PLA2G4E: variants seen among roughly 807,000 people sequenced by gnomAD.
The protein encoded by PLA2G4E is phospholipase A2 group IVE, also known as cytosolic phospholipase A2 epsilon.
A neutral mutation model predicts 109.1 loss-of-function variants in PLA2G4E; 84 were observed. The ratio of observed to expected loss-of-function variants is 0.77; its 90% CI spans 0.65 to 0.92. The LOEUF (loss-of-function observed/expected upper bound fraction) is 0.92. Ranked by LOEUF, PLA2G4E falls within the 40% of genes least tolerant of loss-of-function variation. The pLI, the probability that PLA2G4E is intolerant of heterozygous loss-of-function variation, is 0.00. For missense variants in PLA2G4E, 1,057 were observed against 1,076.6 expected (o/e 0.98, Z 0.25); for synonymous variants, 469 against 436.1 (o/e 1.08, Z -0.94).
At chr15:42,003,360 G>C (rs911200083) in intron 5 of PLA2G4E, among the ~76,000 whole-genome samples, 1 of 152,228 alleles carries the variant, frequency 6.6e-6, no homozygotes, top group Non-Finnish European at 1.5e-5. Flanking sequence ...CTGGGTTCAA[G>C]TGATTCTCCT....
intron 5 of PLA2G4E, 31 bp downstream of exon 5, chr15:42,004,907 T>C (rs1228783759): frequency 1.3e-6 from 2 of 1,599,170 alleles, no homozygotes; most frequent in Non-Finnish European, 1.7e-6. Flanking sequence ...GGCCAGGACC[T>C]TGGTGGGCCC....
intron 13 of PLA2G4E, among the ~76,000 whole-genome samples, chr15:41,991,943 C>T (rs1402378525): frequency 6.6e-6 from 1 of 152,158 alleles, no homozygotes; most frequent in Non-Finnish European, 1.5e-5. Flanking sequence ...TCCAGGATCG[C>T]AACACCCCTT....
intron 11 of PLA2G4E, among the ~76,000 whole-genome samples, chr15:41,996,165 G>A (rs2068335382): frequency 1.3e-5 from 2 of 151,972 alleles, no homozygotes; most frequent in Admixed American, 1.3e-4. Context: ...TGGGCAACAT[G>A]TAGAAACCCC....
At chr15:42,040,797 T>C (rs867619355) in intron 1 of PLA2G4E, among the ~76,000 whole-genome samples, 27 of 152,346 alleles carry the variant, frequency 1.8e-4, no homozygotes, top group Middle Eastern at 3.4e-3. Flanking sequence ...AAAATAGTAT[T>C]GTTGCCTGGC....
chr15:42,029,086 C>CTTTTA (rs35430426), intron 1 of PLA2G4E, among the ~76,000 whole-genome samples: 1 of 148,790 alleles, frequency 6.7e-6, no homozygotes, highest in African/African-American at 2.6e-5. Context: ...CAGCTTAGTG[C>CTTTTA]TTTTCTTTTC....
chr15:41,997,070 A>C, intron 11 of PLA2G4E, 54 bp downstream of exon 11: 1 of 1,477,236 alleles, frequency 6.8e-7, no homozygotes, highest in African/African-American at 1.4e-5. Context: ...CTGGGAGGGC[A>C]TGGTGCTGGA....
intron 1 of PLA2G4E, among the ~76,000 whole-genome samples, chr15:42,022,472 T>C (rs2068657348): frequency 6.6e-6 from 1 of 152,076 alleles, no homozygotes; most frequent in African/African-American, 2.4e-5. Flanking sequence ...CAATTCACCA[T>C]AATGTAGAAT....
chr15:42,001,249 T>C lies in PLA2G4E; in HGVS notation c.610-29A>G, dbSNP rs762972355. On this transcript the variant is annotated intron_variant, in intron 6 of 19. Coordinates refer to ENST00000399518, the Ensembl canonical transcript of PLA2G4E. The stretch of plus-strand genomic sequence containing the variant: ...TAAAAAACAAAGGAGGGTCACAGAG[T>C]GTCTGAGCACCAGCCACCTCCTTGC... The C allele has an allele frequency of 1.8e-5, 28 of 1,588,166 alleles. No homozygotes were observed. The Middle Eastern group carries it at 5.0e-4, about 28-fold the overall frequency.
exon 20 of PLA2G4E, chr15:41,983,973 A>G (rs1373294998): frequency 1.9e-6 from 3 of 1,602,796 alleles, no homozygotes; most frequent in Middle Eastern, 1.8e-4. Context: ...TTCGCTCTAC[A>G]CCTGTGGGCA....
intron 7 of PLA2G4E, 120 bp downstream of exon 7, chr15:42,001,037 C>G (rs1566840427): frequency 4.0e-6 from 4 of 1,009,170 alleles, no homozygotes; most frequent in Non-Finnish European, 6.0e-6. Context: ...GGGGTTTCAG[C>G]CGAGCTTTTG....
In PLA2G4E at chr15:41,989,322, G is replaced by T. The variant is rs181599566; in HGVS notation, c.1723+93C>A. 3.7e-4 allele frequency: 566 copies of T among 1,522,138 alleles called. 1 individual carries two copies. In the African/African-American group the frequency reaches 7.1e-3, roughly 19 times the overall value. The allele number at this position is 1,522,138 out of a possible 1,614,324, so 94.3% of individuals were successfully genotyped here. On this transcript the variant is annotated intron_variant, in intron 15 of 19. Transcript: ENST00000399518. ...TCCTAGGATGAGACAATGCTGGCAAGTGCCCCGAGTGTCACATAATCAGGG... is the reference window on the plus strand; with the variant it reads ...TCCTAGGATGAGACAATGCTGGCAATTGCCCCGAGTGTCACATAATCAGGG...
chr15:42,035,660 C>A (rs1043451284), intron 1 of PLA2G4E, among the ~76,000 whole-genome samples: 2 of 152,000 alleles, frequency 1.3e-5, no homozygotes, highest in African/African-American at 4.8e-5. Flanking sequence ...AATTTTTTAA[C>A]CAAAGGTTAA....
intron 15 of PLA2G4E, among the ~76,000 whole-genome samples, chr15:41,988,862 A>G (rs1470216541): frequency 6.6e-6 from 1 of 152,196 alleles, no homozygotes; most frequent in African/African-American, 2.4e-5. Context: ...TGGGATAGAC[A>G]GAAGGGGAAG....
intron 4 of PLA2G4E, 101 bp downstream of exon 4, chr15:42,005,887 CTG>C: frequency 2.2e-6 from 3 of 1,370,462 alleles, no homozygotes; most frequent in Middle Eastern, 2.4e-4. Context: ...CTCAACTTGA[CTG>C]TGTACACAGA....
chr15:42,029,325 G>A (rs1168280804), intron 1 of PLA2G4E, among the ~76,000 whole-genome samples: 1 of 152,048 alleles, frequency 6.6e-6, no homozygotes, highest in Non-Finnish European at 1.5e-5. Context: ...CAAACACCTG[G>A]GCTCAAGCAA....
intron 1 of PLA2G4E, among the ~76,000 whole-genome samples, chr15:42,029,517 C>T (rs1889078195): frequency 6.6e-6 from 1 of 152,224 alleles, no homozygotes; most frequent in Non-Finnish European, 1.5e-5. Context: ...CTCTCTTGCT[C>T]ATACAGTGAG....
At chr15:41,983,607 T>C in exon 20 of PLA2G4E, 1 of 691,654 alleles carries the variant, frequency 1.4e-6, no homozygotes. Flanking sequence ...TTTAAAATTT[T>C]TTACTTTTCG....
At chr15:41,986,948 T>C in intron 17 of PLA2G4E, 1 of 585,354 alleles carries the variant, frequency 1.7e-6, no homozygotes, top group South Asian at 2.0e-5. Context: ...AGAATGACTG[T>C]ACAGATGCAG....
At chr15:41,989,573 CG>C (rs769208267) in intron 14 of PLA2G4E, 21 bp from the exon 15 acceptor site, 9 of 1,607,660 alleles carry the variant, frequency 5.6e-6, no homozygotes, top group Non-Finnish European at 6.0e-6. Context: ...AGCAGCAGGA[CG>C]GGGGTCAGTC....
Sources: allele counts gnomAD v4.1 joint callset (sites outside exome capture counted in the v4.1 genomes callset), GRCh38; gene constraint gnomAD v4.1.1; transcripts MANE v1.5; gene names NCBI Gene and HGNC (gene_info 2026-07-23, HGNC 2026-07-21).